The following WDPCP variants were observed in gnomAD, a reference collection of about 807,000 sequenced individuals.
WDPCP encodes the protein WD repeat containing planar cell polarity effector.
In WDPCP, 71 loss-of-function variants were observed where a neutral mutation model predicts 93.1. That is an observed-to-expected ratio of 0.76 (90% CI 0.63 to 0.93). WDPCP has a LOEUF of 0.93. Ranked by LOEUF, WDPCP falls within the 40% of genes least tolerant of loss-of-function variation. The pLI, the probability that WDPCP is intolerant of heterozygous loss-of-function variation, is 0.00. For missense variants in WDPCP, 844 were observed against 887.4 expected, an observed-to-expected ratio of 0.95 and a Z score of 0.62; for synonymous variants, 315 against 315.0, an observed-to-expected ratio of 1.00 and a Z score of 0.00.
At chr2:63,203,216 A>G (rs772978413) in intron 14 of WDPCP, among the ~76,000 whole-genome samples, 1 of 152,142 alleles carries the variant, frequency 6.6e-6, no homozygotes, top group Non-Finnish European at 1.5e-5. Flanking sequence ...TTTACAGAGT[A>G]TATGAGATGT....
intron 2 of WDPCP, among the ~76,000 whole-genome samples, chr2:63,811,257 C>CT (rs1670858875): frequency 6.6e-6 from 1 of 152,194 alleles, no homozygotes. Context: ...TGGGCAGGAC[C>CT]TTTAACTTGT....
chr2:63,799,850 G>A (rs1312469864), intron 2 of WDPCP, among the ~76,000 whole-genome samples: 7 of 152,052 alleles, frequency 4.6e-5, no homozygotes, highest in Non-Finnish European at 8.8e-5. Flanking sequence ...AAAAATAAGG[G>A]CAATGTAATG....
chr2:63,182,395 G>A (rs989297063), intron 14 of WDPCP, among the ~76,000 whole-genome samples: 1 of 151,960 alleles, frequency 6.6e-6, no homozygotes, highest in African/African-American at 2.4e-5. Flanking sequence ...TGTATCTATT[G>A]AGATATTTAT....
chr2:63,567,337 T>C (rs1283564981), intron 1 of WDPCP, among the ~76,000 whole-genome samples: 2 of 152,306 alleles, frequency 1.3e-5, no homozygotes, highest in Non-Finnish European at 2.9e-5. Flanking sequence ...CATCTTAGCA[T>C]ACAAAAGACA....
chr2:63,249,767 G>A (rs1178337670), intron 14 of WDPCP, among the ~76,000 whole-genome samples: 4 of 152,180 alleles, frequency 2.6e-5, no homozygotes, highest in Admixed American at 2.6e-4. Context: ...TGGGGTATAT[G>A]TTCAAAGACC....
At chr2:63,276,827 T>A (rs1454695532) in intron 13 of WDPCP, among the ~76,000 whole-genome samples, 1 of 152,162 alleles carries the variant, frequency 6.6e-6, no homozygotes, top group Non-Finnish European at 1.5e-5. Flanking sequence ...GAGGAAAACT[T>A]CCTTAGCCTT....
chr2:63,216,917 G>A (rs1377992360), intron 14 of WDPCP, among the ~76,000 whole-genome samples: 2 of 152,086 alleles, frequency 1.3e-5, no homozygotes, highest in Admixed American at 1.3e-4. Context: ...TCACCTGAAA[G>A]AAATATTTTA....
intron 3 of WDPCP, chr2:63,599,202 C>T (rs1404316837): frequency 1.1e-5 from 17 of 1,613,850 alleles, no homozygotes; most frequent in Admixed American, 1.7e-5. Context: ...CCAATACCAA[C>T]TGCCTGACTG....
intron 14 of WDPCP, among the ~76,000 whole-genome samples, chr2:63,188,458 T>C (rs1674798769): frequency 6.6e-6 from 1 of 151,916 alleles, no homozygotes; most frequent in African/African-American, 2.4e-5. Flanking sequence ...ACCCCTCTAG[T>C]GAATTATTTA....
Position 63,641,920 on chromosome 2 carries a change from T to G in WDPCP, n.488+8739A>C, listed in dbSNP as rs1350281246. On this transcript the variant is annotated intron_variant and non_coding_transcript_variant, in intron 3 of 4. Transcript: ENST00000467687. The stretch of plus-strand genomic sequence containing the variant: ...AATATTTTTTTAGTAGATTCATAGT[T>G]TCAGATCTTAGATTTAAGTCTTTAA... Among the ~76,000 whole-genome samples the G allele has an allele frequency of 2.0e-5, 3 of 152,184 alleles. No homozygotes were observed. In the East Asian group the frequency reaches 5.8e-4, roughly 29 times the overall value.
chr2:63,395,147 C>T (rs1693610868), intron 10 of WDPCP, among the ~76,000 whole-genome samples: 1 of 152,064 alleles, frequency 6.6e-6, no homozygotes, highest in Admixed American at 6.6e-5. Context: ...TAATGCTGAG[C>T]AAAAGTACCA....
chr2:63,500,133 C>T (rs1337449106), intron 1 of WDPCP, among the ~76,000 whole-genome samples: 1 of 152,120 alleles, frequency 6.6e-6, no homozygotes, highest in African/African-American at 2.4e-5. Context: ...GATTGAAACA[C>T]ACATAGAAAC....
chr2:63,632,479 G>A (rs1575734696), intron 3 of WDPCP, among the ~76,000 whole-genome samples: 2 of 152,010 alleles, frequency 1.3e-5, no homozygotes, highest in East Asian at 3.9e-4. Context: ...AATGCAATCA[G>A]GAAAACAATA....
Position 63,626,262 on chromosome 2 carries a change from C to T in WDPCP, n.488+24397G>A, listed in dbSNP as rs189030976. On this transcript the variant is annotated intron_variant and non_coding_transcript_variant, in intron 3 of 4. Coordinates refer to the WDPCP transcript ENST00000467687. Reference sequence around the variant, plus strand: ...GGAAGAAAACCTAGGCAATATCATTCAGGACATAGGCATGGGCAAAGACTT... The same window carrying T: ...GGAAGAAAACCTAGGCAATATCATTTAGGACATAGGCATGGGCAAAGACTT... Among the ~76,000 whole-genome samples the T allele has an allele frequency of 5.9e-3, 899 of 152,294 alleles. 7 individuals carry two copies. Among genetic ancestry groups the T allele is most frequent in the Non-Finnish European group, 9.7e-3 (661 of 68,028 alleles).
At chr2:63,493,603 A>G (rs755353327) in intron 1 of WDPCP, among the ~76,000 whole-genome samples, 41 of 151,422 alleles carry the variant, frequency 2.7e-4, no homozygotes, top group Non-Finnish European at 4.4e-4. Context: ...TCTTCCCCCT[A>G]GCAGGGGCTA....
intron 1 of WDPCP, among the ~76,000 whole-genome samples, chr2:63,517,737 C>A (rs1239264643): frequency 6.6e-6 from 1 of 152,114 alleles, no homozygotes; most frequent in Admixed American, 6.5e-5. Context: ...ACTTCCCTGT[C>A]ACATTTTGTC....
intron 1 of WDPCP, among the ~76,000 whole-genome samples, chr2:63,520,351 A>G (rs1212157257): frequency 6.6e-6 from 1 of 152,224 alleles, no homozygotes; most frequent in African/African-American, 2.4e-5. Flanking sequence ...CAACCTCACT[A>G]GAGAGGCCAA....
intron 1 of WDPCP, among the ~76,000 whole-genome samples, chr2:63,575,369 A>T (rs796918573): frequency 0.03 from 3,571 of 118,060 alleles, 190 homozygotes; most frequent in African/African-American, 0.048. Flanking sequence ...CAGTATATAC[A>T]GTATATACAG....
intron 6 of WDPCP, 56 bp downstream of exon 6, chr2:63,484,548 A>G: frequency 6.3e-7 from 1 of 1,595,904 alleles, no homozygotes. Context: ...ACCAATTACT[A>G]CATAGTTTTC....
Sources: allele counts gnomAD v4.1 joint callset (sites outside exome capture counted in the v4.1 genomes callset), GRCh38; gene constraint gnomAD v4.1.1; transcripts MANE v1.5; gene names NCBI Gene and HGNC (gene_info 2026-07-23, HGNC 2026-07-21).